USP37: variants seen among roughly 807,000 people sequenced by gnomAD.
The protein encoded by USP37 is ubiquitin specific peptidase 37.
Under a neutral mutation model 124.0 loss-of-function variants are expected in USP37, and 27 were observed. The observed-to-expected ratio is 0.22, with a 90% CI of 0.16 to 0.30. The LOEUF (loss-of-function observed/expected upper bound fraction) is 0.30, where lower values mean the gene tolerates loss of function less well. USP37 is among the 10% of genes least tolerant of loss of function. USP37 has a pLI of 1.00. For synonymous variants in USP37, 365 were observed against 388.0 expected (o/e 0.94, Z 0.70); for missense variants, 889 against 1,140.4 (o/e 0.78, Z 3.17).
chr2:218,560,995 T>A (rs1693277468), intron 2 of USP37, 112 bp from the exon 3 acceptor site: 1 of 152,244 alleles, frequency 6.6e-6, no homozygotes, highest in African/African-American at 2.4e-5. Flanking sequence ...AAGTGCTTAC[T>A]ATGGGCAGAT....
intron 16 of USP37, among the ~76,000 whole-genome samples, chr2:218,485,294 C>T (rs753427365): frequency 3.3e-5 from 5 of 151,868 alleles, no homozygotes; most frequent in African/African-American, 4.8e-5. Flanking sequence ...ATATTTCAAA[C>T]GCTTTTCCTT....
chr2:218,487,481 C>A (rs997766377), intron 15 of USP37, among the ~76,000 whole-genome samples: 1 of 151,924 alleles, frequency 6.6e-6, no homozygotes, highest in African/African-American at 2.4e-5. Context: ...AGTGCAGTGG[C>A]GTGATCTTGG....
chr2:218,462,396 G>A (rs1690064602), intron 22 of USP37, among the ~76,000 whole-genome samples: 1 of 152,164 alleles, frequency 6.6e-6, no homozygotes, highest in African/African-American at 2.4e-5. Flanking sequence ...GGGGGATAAG[G>A]AGGGGATAAA....
intron 7 of USP37, 87 bp from the exon 8 acceptor site, chr2:218,546,385 A>G (rs916942493): frequency 1.2e-6 from 1 of 846,320 alleles, no homozygotes; most frequent in East Asian, 2.5e-5. Context: ...AGGACAGGAA[A>G]TGGGACTACT....
At chr2:218,499,747 C>A (rs1335187134) in intron 11 of USP37, among the ~76,000 whole-genome samples, 1 of 152,088 alleles carries the variant, frequency 6.6e-6, no homozygotes, top group Non-Finnish European at 1.5e-5. Flanking sequence ...ATGACACTGA[C>A]ATTTTTGAAG....
intron 11 of USP37, among the ~76,000 whole-genome samples, chr2:218,499,872 C>A (rs1228982561): frequency 6.6e-6 from 1 of 152,086 alleles, no homozygotes; most frequent in East Asian, 1.9e-4. Flanking sequence ...GCCTCAACCT[C>A]CCGGGCTCGA....
chr2:218,519,065 C>T (rs764104314), intron 10 of USP37, among the ~76,000 whole-genome samples: 1 of 152,158 alleles, frequency 6.6e-6, no homozygotes, highest in Non-Finnish European at 1.5e-5. Context: ...TTCAGTAATA[C>T]CACAAATGAC....
chr2:218,475,607 C>T (rs1029006008), intron 19 of USP37, among the ~76,000 whole-genome samples: 1 of 152,074 alleles, frequency 6.6e-6, no homozygotes, highest in Non-Finnish European at 1.5e-5. Context: ...CATGGTGGCA[C>T]GCACCTGTAG....
At chr2:218,543,268 G>A (rs1692086345) in intron 8 of USP37, among the ~76,000 whole-genome samples, 1 of 151,984 alleles carries the variant, frequency 6.6e-6, no homozygotes, top group Non-Finnish European at 1.5e-5. Flanking sequence ...TTGCGAGGCC[G>A]AGGTGGGCAG....
At chr2:218,471,059 T>G (rs1382121984) in intron 20 of USP37, among the ~76,000 whole-genome samples, 3 of 152,194 alleles carry the variant, frequency 2.0e-5, no homozygotes, top group Admixed American at 6.5e-5. Flanking sequence ...CAAAACTGAC[T>G]AGTAGCATTT....
At chr2:218,483,920 AGGCC>A (rs1222663240) in intron 16 of USP37, among the ~76,000 whole-genome samples, 3 of 152,220 alleles carry the variant, frequency 2.0e-5, no homozygotes, top group East Asian at 3.9e-4. Context: ...ACACTTGAGG[AGGCC>A]GAGGCGGCCA....
intron 10 of USP37, among the ~76,000 whole-genome samples, chr2:218,515,225 G>A (rs1690210771): frequency 6.6e-6 from 1 of 151,274 alleles, no homozygotes; most frequent in South Asian, 2.1e-4. Context: ...TTTTTTAAGA[G>A]CCCGTATAGC....
chr2:218,516,081 T>C (rs1027107332), intron 10 of USP37, among the ~76,000 whole-genome samples: 2 of 152,188 alleles, frequency 1.3e-5, no homozygotes, highest in Admixed American at 6.5e-5. Context: ...GCTTTTACAC[T>C]GTTGGTGGGA....
At position 218,491,478 on chromosome 2, in the gene USP37, C is replaced by A. The variant is rs1691943554; in HGVS notation, c.1473-3057G>T. ...ACAGGCAGTAATACCTTTATTTCAG[C>A]CTTATGATACTCTGAGCTGAGAACT... On this transcript the variant is annotated intron_variant, in intron 14 of 25. Transcript: ENST00000258399. Among the ~76,000 whole-genome samples the A allele has an allele frequency of 3.3e-5, 5 of 152,166 alleles. No homozygotes were observed. In the South Asian group the frequency reaches 1.0e-3, roughly 32 times the overall value.
intron 14 of USP37, among the ~76,000 whole-genome samples, chr2:218,490,178 C>T (rs1290318622): frequency 5.3e-5 from 8 of 152,026 alleles, no homozygotes; most frequent in African/African-American, 9.7e-5. Context: ...GGTGAAACCC[C>T]GTCTCTACTA....
chr2:218,552,714 T>C (rs1422398248), intron 5 of USP37, among the ~76,000 whole-genome samples: 1 of 152,186 alleles, frequency 6.6e-6, no homozygotes, highest in Non-Finnish European at 1.5e-5. Flanking sequence ...GATCATACCA[T>C]GTGATTTTTT....
intron 14 of USP37, among the ~76,000 whole-genome samples, chr2:218,490,683 C>T (rs540897752): frequency 1.6e-4 from 24 of 152,270 alleles, no homozygotes; most frequent in African/African-American, 5.5e-4. Flanking sequence ...AGGTGACCCT[C>T]GACTTTGTAT....
chr2:218,484,861 A>G (rs1691470681), intron 16 of USP37, among the ~76,000 whole-genome samples: 1 of 152,194 alleles, frequency 6.6e-6, no homozygotes, highest in African/African-American at 2.4e-5. Context: ...CTATTCTTGG[A>G]AAGAACTAAA....
chr2:218,518,795 T>C (rs2106011650), intron 10 of USP37, among the ~76,000 whole-genome samples: 1 of 151,696 alleles, frequency 6.6e-6, no homozygotes, highest in South Asian at 2.1e-4. Flanking sequence ...AAAGGTGATG[T>C]TGTATTTCTT....
Sources: allele counts gnomAD v4.1 joint callset (sites outside exome capture counted in the v4.1 genomes callset), GRCh38; gene constraint gnomAD v4.1.1; transcripts MANE v1.5; gene names NCBI Gene and HGNC (gene_info 2026-07-23, HGNC 2026-07-21).